Variants in NRXN1 observed in about 807,000 individuals in gnomAD.
The protein encoded by NRXN1 is neurexin 1.
A neutral mutation model predicts 150.9 loss-of-function variants in NRXN1; 39 were observed. The ratio of observed to expected loss-of-function variants is 0.26; its 90% CI spans 0.20 to 0.34. The LOEUF is 0.34. Among genes scored for constraint, NRXN1 ranks in the 10% least tolerant of loss-of-function variants. The probability of loss-of-function intolerance (pLI) is 1.00; values close to 1 mark genes in which losing one functional copy is unlikely to be tolerated. For missense variants in NRXN1, 1,815 were observed against 1,949.9 expected (o/e 0.93, Z 1.30); for synonymous variants, 924 against 757.0 (o/e 1.22, Z -3.62).
chr2:50,812,607 GATAA>G (rs1265146546), intron 5 of NRXN1, among the ~76,000 whole-genome samples: 2 of 151,724 alleles, frequency 1.3e-5, no homozygotes, highest in Non-Finnish European at 2.9e-5. Flanking sequence ...AATTTGGGTA[GATAA>G]ATAGATATTG....
rs891867472 is a variant in NRXN1, at chr2:50,136,778, A to G, written c.3547-45284T>C. Among the ~76,000 whole-genome samples the G allele has an allele frequency of 7.2e-5, 11 of 152,376 alleles. No individual in the cohort carries two copies. In the East Asian group the frequency reaches 2.1e-3, roughly 29 times the overall value. On this transcript the variant is annotated intron_variant, in intron 18 of 22. Coordinates refer to ENST00000401669, the MANE Select transcript of NRXN1 (RefSeq NM_001330078.2). ...ATTATCTAAAAGTTTGAACAAGTGA[A>G]AAATAATTTATTTATTTGTTATGGT...
chr2:50,979,156 C>G (rs1696374408), intron 2 of NRXN1: 1 of 451,662 alleles, frequency 2.2e-6, no homozygotes, highest in Non-Finnish European at 4.4e-6. Flanking sequence ...ATAGCTAAAA[C>G]ACATAACTTA....
intron 21 of NRXN1, among the ~76,000 whole-genome samples, chr2:49,953,862 G>T (rs946147240): frequency 6.6e-6 from 1 of 151,838 alleles, no homozygotes; most frequent in Non-Finnish European, 1.5e-5. Context: ...GTCAGGGTGT[G>T]GGGGACAAGG....
At chr2:50,387,732 A>G (rs2081419341) in intron 17 of NRXN1, among the ~76,000 whole-genome samples, 1 of 152,112 alleles carries the variant, frequency 6.6e-6, no homozygotes, top group Non-Finnish European at 1.5e-5. Flanking sequence ...GATTGCTCTT[A>G]ATGGCATTTT....
At chr2:50,797,736 T>TA (rs1215310814) in intron 5 of NRXN1, among the ~76,000 whole-genome samples, 3 of 152,286 alleles carry the variant, frequency 2.0e-5, no homozygotes, top group East Asian at 1.9e-4. Flanking sequence ...CAATGTCAGA[T>TA]ACAGAGCAAG....
At chr2:50,667,679 C>T (rs1475400100) in intron 5 of NRXN1, among the ~76,000 whole-genome samples, 2 of 152,056 alleles carry the variant, frequency 1.3e-5, no homozygotes, top group East Asian at 3.9e-4. Context: ...TCTATTGTTT[C>T]CCTATTACAA....
intron 17 of NRXN1, among the ~76,000 whole-genome samples, chr2:50,265,243 C>T (rs1480011279): frequency 6.6e-6 from 1 of 151,920 alleles, no homozygotes; most frequent in Non-Finnish European, 1.5e-5. Flanking sequence ...GCAAGGACAA[C>T]AAACACCGAA....
At position 50,552,941 on chromosome 2, in the gene NRXN1, C is replaced by T. The variant is rs1184582359; in HGVS notation, c.1405G>A (p.Val469Met). 3 of 1,613,696 alleles carry T rather than the reference C, an allele frequency of 1.9e-6. No homozygotes were observed. Among genetic ancestry groups the T allele is most frequent in the Non-Finnish European group, 2.5e-6 (3 of 1,179,736 alleles). ...GDPKMKIHGV[V>M]AFKCENVATL... ...GCAACATTCTCACATTTAAATGCCA[C>T]CACTCCATGGATCTTCATCTTAGGA... Residue 469 changes from valine (V) to methionine (M), a missense_variant, in exon 9 of 23, where the codon GTG (valine) becomes ATG (methionine). Transcript: ENST00000401669.
rs1254825415 is a variant in NRXN1 at position 49,921,753 on chromosome 2, T to G, written c.*191A>C. ...ATTTATTGGCCCCTGTTTTTTGTTT[T>G]TTGTTTTTCTTTTTTGAGAAACAAG... On this transcript the variant is annotated 3_prime_UTR_variant, in exon 23 of 23. Coordinates refer to ENST00000401669, the MANE Select transcript of NRXN1 (RefSeq NM_001330078.2). 1 of 631,714 alleles carries G rather than the reference T, an allele frequency of 1.6e-6. No individual in the cohort carries two copies. Among genetic ancestry groups the G allele is most frequent in the Non-Finnish European group, 2.6e-6 (1 of 378,394 alleles). 39.1% of individuals were successfully genotyped at this position (631,714 alleles called of 1,614,324 possible).
intron 18 of NRXN1, among the ~76,000 whole-genome samples, chr2:50,206,523 T>C (rs533708882): frequency 1.6e-4 from 24 of 151,948 alleles, no homozygotes; most frequent in Non-Finnish European, 2.4e-4. Context: ...CATTCCCCAC[T>C]TGATGGCCAT....
chr2:50,896,059 G>A (rs1189869548), intron 5 of NRXN1, among the ~76,000 whole-genome samples: 1 of 152,110 alleles, frequency 6.6e-6, no homozygotes, highest in Non-Finnish European at 1.5e-5. Context: ...CCCTGATAAT[G>A]TGAACCATTA....
At chr2:50,474,464 G>C (rs2089801333) in intron 15 of NRXN1, among the ~76,000 whole-genome samples, 1 of 151,654 alleles carries the variant, frequency 6.6e-6, no homozygotes, top group South Asian at 2.1e-4. Flanking sequence ...TAAGGACTGA[G>C]CTCTGGTGAA....
At chr2:50,812,575 AC>A (rs1439000211) in intron 5 of NRXN1, among the ~76,000 whole-genome samples, 8 of 152,120 alleles carry the variant, frequency 5.3e-5, no homozygotes, top group Admixed American at 4.6e-4. Flanking sequence ...GTGTGTGTAT[AC>A]ATGACTATAA....
intron 17 of NRXN1, among the ~76,000 whole-genome samples, chr2:50,266,430 T>C (rs2068877370): frequency 6.8e-6 from 1 of 147,938 alleles, no homozygotes; most frequent in Non-Finnish European, 1.5e-5. Flanking sequence ...AATTTTTATA[T>C]ATGCATTATA....
intron 8 of NRXN1, among the ~76,000 whole-genome samples, chr2:50,581,263 A>G (rs1274186627): frequency 1.3e-5 from 2 of 152,206 alleles, no homozygotes; most frequent in East Asian, 3.9e-4. Context: ...GCTAGTGAAA[A>G]TATCCTTTCT....
intron 22 of NRXN1, among the ~76,000 whole-genome samples, chr2:49,939,764 C>T (rs1027724400): frequency 6.6e-6 from 1 of 152,160 alleles, no homozygotes; most frequent in African/African-American, 2.4e-5. Context: ...TTATGCCAGA[C>T]ATTGCAATAA....
chr2:50,954,163 T>C (rs1428779977), intron 2 of NRXN1, among the ~76,000 whole-genome samples: 1 of 152,210 alleles, frequency 6.6e-6, no homozygotes, highest in Admixed American at 6.5e-5. Context: ...AGGAATTATA[T>C]ATATCAAATC....
At chr2:50,276,652 T>C (rs1358745834) in intron 17 of NRXN1, among the ~76,000 whole-genome samples, 1 of 152,176 alleles carries the variant, frequency 6.6e-6, no homozygotes, top group Middle Eastern at 3.2e-3. Flanking sequence ...CAAGGTGTTA[T>C]ACTTATTGTC....
intron 5 of NRXN1, among the ~76,000 whole-genome samples, chr2:50,779,750 A>G (rs561896312): frequency 5.3e-5 from 8 of 152,266 alleles, no homozygotes; most frequent in Non-Finnish European, 1.0e-4. Flanking sequence ...CCTGGGTGAC[A>G]GAGCCGGACT....
Sources: gnomAD v4.1 joint callset for allele counts (sites outside exome capture counted in the v4.1 genomes callset) on GRCh38, gnomAD v4.1.1 for gene constraint, MANE v1.5 for transcripts, NCBI Gene and HGNC (gene_info 2026-07-23, HGNC 2026-07-21) for gene names.